Variants in ARL14EP observed in about 807,000 individuals in gnomAD.
ARL14EP encodes the protein ARL14 effector protein.
ARL14EP carries 12 observed loss-of-function variants against 23.1 expected under a neutral mutation model. That is an observed-to-expected ratio of 0.52 (90% CI 0.33 to 0.84). The LOEUF (loss-of-function observed/expected upper bound fraction) is 0.84, where lower values mean the gene tolerates loss of function less well. Among genes scored for constraint, ARL14EP ranks in the 40% least tolerant of loss-of-function variants. The probability of loss-of-function intolerance (pLI) is 0.02; values close to 1 mark genes in which losing one functional copy is unlikely to be tolerated. For missense variants in ARL14EP, 253 were observed against 307.3 expected (o/e 0.82, Z 1.32); for synonymous variants, 97 against 102.0 (o/e 0.95, Z 0.29).
At chr11:30,331,777 T>C (rs1463963071) in intron 2 of ARL14EP, 1 of 1,014,786 alleles carries the variant, frequency 9.9e-7, no homozygotes, top group African/African-American at 1.7e-5. Context: ...TGGAAATCAC[T>C]GCTTTAAAAG....
Position 30,336,788 on chromosome 11 carries a change from C to A in ARL14EP, c.776C>A (p.Ala259Asp). The A allele has an allele frequency of 6.2e-7, 1 of 1,613,056 alleles. No individual in the cohort carries two copies. The highest frequency in any genetic ancestry group is 8.5e-7 in the Non-Finnish European group (1 of 1,179,058). Residue 259 changes from alanine (A) to aspartate (D), a missense_variant, in exon 4 of 4, where the codon GCT becomes GAT. Ala to Asp is a moderately radical substitution (Grantham distance 126, BLOSUM62 -2). Transcript: ENST00000282032. ...EGGEIIHNKHAG is the reference protein window; with the variant it reads ...EGGEIIHNKHDG ...GGAGAAATAATTCATAATAAACATG[C>A]TGGATAATCTGCGGTACCAAACTAT... is the stretch of plus-strand genomic sequence containing the variant.
intron 3 of ARL14EP, 118 bp from the exon 4 acceptor site, chr11:30,336,449 G>C (rs7927747): frequency 1.1e-6 from 1 of 885,582 alleles, no homozygotes; most frequent in African/African-American, 1.7e-5. Context: ...AATTATAGAT[G>C]ATTTTGGCAT....
At chr11:30,329,779 A>G (rs1947267731) in intron 1 of ARL14EP, 2 of 152,008 alleles carry the variant, frequency 1.3e-5, no homozygotes, top group African/African-American at 2.4e-5. Flanking sequence ...TCATTTTCTA[A>G]TTGATTTTTG....
At chr11:30,325,433 A>AT (rs1352574755) in intron 1 of ARL14EP, among the ~76,000 whole-genome samples, 5 of 152,122 alleles carry the variant, frequency 3.3e-5, no homozygotes, top group Admixed American at 6.5e-5. Context: ...GGGTGGGAGG[A>AT]TTTTTTAAAT....
chr11:30,333,446 G>C (rs1325752047), intron 3 of ARL14EP, among the ~76,000 whole-genome samples: 10 of 151,880 alleles, frequency 6.6e-5, no homozygotes, highest in Non-Finnish European at 4.4e-5. Flanking sequence ...TCGCATTTTG[G>C]TAATTATTGC....
At chr11:30,323,438 A>G (rs575589283) in intron 1 of ARL14EP, among the ~76,000 whole-genome samples, 34 of 151,840 alleles carry the variant, frequency 2.2e-4, no homozygotes, top group Admixed American at 7.2e-4. Flanking sequence ...GCCGCCTCTG[A>G]CCTCTCTGAG....
At chr11:30,330,840 G>C in intron 1 of ARL14EP, 46 bp from the exon 2 acceptor site, 1 of 1,045,312 alleles carries the variant, frequency 9.6e-7, no homozygotes, top group Non-Finnish European at 1.4e-6. Flanking sequence ...CAGTTTCCTA[G>C]ATAAACTTGC....
chr11:30,326,971 G>A (rs1947239862), intron 1 of ARL14EP, among the ~76,000 whole-genome samples: 1 of 152,210 alleles, frequency 6.6e-6, no homozygotes, highest in African/African-American at 2.4e-5. Context: ...ATCCTGTAAA[G>A]AAGTAATTCG....
At chr11:30,327,791 T>C (rs1947248535) in intron 1 of ARL14EP, among the ~76,000 whole-genome samples, 1 of 110,418 alleles carries the variant, frequency 9.1e-6, no homozygotes, top group Non-Finnish European at 1.8e-5. Flanking sequence ...ACGCCATCTC[T>C]ACTAAAAATA....
intron 1 of ARL14EP, among the ~76,000 whole-genome samples, 180 bp downstream of exon 1, chr11:30,323,382 T>G (rs1947210439): frequency 6.6e-6 from 1 of 152,124 alleles, no homozygotes; most frequent in South Asian, 2.1e-4. Flanking sequence ...CCCCGCGTAG[T>G]TCATCTGCGA....
intron 1 of ARL14EP, among the ~76,000 whole-genome samples, chr11:30,323,473 A>G (rs1405053240): frequency 1.3e-5 from 2 of 152,246 alleles, no homozygotes; most frequent in Non-Finnish European, 2.9e-5. Flanking sequence ...CTGTAGGCCC[A>G]GGACCTTCAA....
chr11:30,331,498 G>A, intron 2 of ARL14EP, 124 bp downstream of exon 2: 10 of 1,514,312 alleles, frequency 6.6e-6, no homozygotes, highest in South Asian at 1.3e-5. Flanking sequence ...TAAAAGGAGG[G>A]GTGAAAGTGG....
intron 1 of ARL14EP, among the ~76,000 whole-genome samples, chr11:30,325,115 G>A (rs1390348365): frequency 6.6e-6 from 1 of 152,204 alleles, no homozygotes. Context: ...AATCTCCAAG[G>A]AGTGAACTGT....
chr11:30,332,838 A>T (rs1947296002), intron 2 of ARL14EP, 28 bp from the exon 3 acceptor site: 3 of 1,610,122 alleles, frequency 1.9e-6, no homozygotes, highest in Middle Eastern at 1.7e-4. Context: ...TCAAGATTTG[A>T]GTTGATAATT....
intron 1 of ARL14EP, chr11:30,329,876 G>A (rs1947268470): frequency 6.6e-6 from 1 of 151,646 alleles, no homozygotes; most frequent in Non-Finnish European, 1.5e-5. Context: ...ATACAGAAAT[G>A]TGTAAATTTT....
chr11:30,326,677 A>G (rs576576428), intron 1 of ARL14EP, among the ~76,000 whole-genome samples: 1 of 152,158 alleles, frequency 6.6e-6, no homozygotes, highest in African/African-American at 2.4e-5. Flanking sequence ...AACAGTGACC[A>G]CTTAGGATCA....
At chr11:30,328,869 T>G (rs1252511411) in intron 1 of ARL14EP, 1 of 152,096 alleles carries the variant, frequency 6.6e-6, no homozygotes, top group African/African-American at 2.4e-5. Flanking sequence ...TCCCTACCAC[T>G]CAGATTTCAG....
intron 1 of ARL14EP, among the ~76,000 whole-genome samples, chr11:30,324,340 G>A (rs934474548): frequency 1.3e-5 from 2 of 151,942 alleles, no homozygotes; most frequent in African/African-American, 4.8e-5. Context: ...TAAATTTTTT[G>A]TTTTGTTAAA....
intron 3 of ARL14EP, 71 bp from the exon 4 acceptor site, chr11:30,336,496 T>G (rs1240411829): frequency 1.5e-6 from 2 of 1,326,516 alleles, no homozygotes; most frequent in Non-Finnish European, 2.1e-6. Context: ...CTTTTTTTTT[T>G]TTACTGTATT....
Sources: allele counts gnomAD v4.1 joint callset (sites outside exome capture counted in the v4.1 genomes callset), GRCh38; gene constraint gnomAD v4.1.1; transcripts MANE v1.5; gene names NCBI Gene and HGNC (gene_info 2026-07-23, HGNC 2026-07-21).